The following SWI5 variants were observed in gnomAD, a reference collection of about 807,000 sequenced individuals.
SWI5 encodes DNA repair protein SWI5 homolog.
Under a neutral mutation model 17.0 loss-of-function variants are expected in SWI5, and 12 were observed. The ratio of observed to expected loss-of-function variants is 0.71; its 90% CI spans 0.45 to 1.14. The LOEUF is 1.14. Among genes scored for constraint, SWI5 ranks in the 50% most tolerant of loss-of-function variants. The pLI is 0.00. For missense variants in SWI5, 158 were observed against 162.2 expected, an observed-to-expected ratio of 0.97 and a Z score of 0.14; for synonymous variants, 61 against 64.0, an observed-to-expected ratio of 0.95 and a Z score of 0.22.
chr9:128,275,857 G>A (rs1479160595), upstream of SWI5: 4 of 1,130,390 alleles, frequency 3.5e-6, no homozygotes, highest in Non-Finnish European at 5.2e-6. Context: ...GTGGGGCTGG[G>A]GCTGGGTCGG....
intron 2 of SWI5, among the ~76,000 whole-genome samples, chr9:128,279,898 G>A (rs1431800458): frequency 1.3e-5 from 2 of 152,170 alleles, no homozygotes; most frequent in Non-Finnish European, 2.9e-5. Context: ...TTATGCAGGT[G>A]TGACAGAGGG....
rs373002029 is a variant in SWI5 at position 128,283,785 on chromosome 9, A to C, written c.112-725A>C. The stretch of plus-strand genomic sequence containing the variant: ...TGCATCCACATTCCAGCCAGCGGGA[A>C]GGGAGACGGCCAGAGAAAGGCATGC... On this transcript the variant is annotated intron_variant, in intron 2 of 4. Transcript: ENST00000418976. Among the ~76,000 whole-genome samples, 5 of 152,320 alleles carry C rather than the reference A, an allele frequency of 3.3e-5. No homozygotes were observed. In the East Asian group the frequency reaches 7.7e-4, roughly 24 times the overall value.
chr9:128,284,426 G>A, intron 2 of SWI5, 84 bp from the exon 3 acceptor site: 1 of 1,519,246 alleles, frequency 6.6e-7, no homozygotes, highest in South Asian at 1.3e-5. Flanking sequence ...GCAAGCAGAA[G>A]CAGGGAGTGA....
chr9:128,283,360 G>GGTGGTGT (rs1205881381), intron 2 of SWI5, among the ~76,000 whole-genome samples: 1 of 152,208 alleles, frequency 6.6e-6, no homozygotes, highest in African/African-American at 2.4e-5. Context: ...AGCTGGGCAT[G>GGTGGTGT]GTGGTGTGCA....
intron 2 of SWI5, 24 bp downstream of exon 2, chr9:128,276,779 C>A (rs1204340747): frequency 6.3e-7 from 1 of 1,593,556 alleles, no homozygotes; most frequent in Non-Finnish European, 8.6e-7. Flanking sequence ...CCCCCACACC[C>A]CCTTTCCCAT....
rs79148503 is a variant in SWI5, at chr9:128,285,841, T to G, written c.234-98T>G. On this transcript the variant is annotated intron_variant, in intron 3 of 4. Transcript: ENST00000418976. This position sits in a 1 kb window ranked among gnomAD's most constrained non-coding sequence, Gnocchi z 4.8. The stretch of plus-strand genomic sequence containing the variant: ...CATATCCCTAGTACCTATCACCGAG[T>G]AGGCCATTACAGATGCCTTATTACT... 1.3e-6 allele frequency: 1 copy of G among 776,152 alleles called. No individual in the cohort carries two copies. The highest frequency in any genetic ancestry group is 2.3e-6 in the Non-Finnish European group (1 of 443,818). The allele number at this position is 776,152 out of a possible 1,614,324, so 48.1% of individuals were successfully genotyped here.
intron 2 of SWI5, among the ~76,000 whole-genome samples, chr9:128,284,251 T>C (rs141372999): frequency 1.1e-4 from 15 of 142,208 alleles, no homozygotes; most frequent in African/African-American, 4.0e-4. Flanking sequence ...ATCAGGTTAC[T>C]GCACTCCAGT....
intron 2 of SWI5, among the ~76,000 whole-genome samples, chr9:128,280,888 C>T (rs2131418362): frequency 6.6e-6 from 1 of 152,262 alleles, no homozygotes; most frequent in Admixed American, 6.5e-5. Flanking sequence ...TTTCATTCCC[C>T]CGAACACATG....
At chr9:128,276,869 C>A in intron 2 of SWI5, 114 bp downstream of exon 2, 1 of 1,121,364 alleles carries the variant, frequency 8.9e-7, no homozygotes, top group Non-Finnish European at 1.3e-6. Flanking sequence ...TCTTCCATAT[C>A]TTCTCCCAGT....
chr9:128,283,005 CCT>C (rs1224397566), intron 2 of SWI5, among the ~76,000 whole-genome samples: 2 of 152,138 alleles, frequency 1.3e-5, no homozygotes, highest in East Asian at 3.9e-4. Flanking sequence ...TGGCAAAAAC[CCT>C]GTCTCTACTA....
Position 128,285,531 on chromosome 9 carries a change from C to A in SWI5, c.234-408C>A, listed in dbSNP as rs1288258357. 6.6e-6 allele frequency among the ~76,000 whole-genome samples: 1 copy of A among 151,484 alleles called. No homozygotes were observed. Among genetic ancestry groups the A allele is most frequent in the African/African-American group, 2.4e-5 (1 of 41,216 alleles). Reference sequence around the variant, plus strand: ...TGGAGTTTTCAGTGTGTAGGGAAAGCTGGCTCTTGAACGCCTCCTGGAGTT... The same window carrying A: ...TGGAGTTTTCAGTGTGTAGGGAAAGATGGCTCTTGAACGCCTCCTGGAGTT... On this transcript the variant is annotated intron_variant, in intron 3 of 4. Transcript: ENST00000418976. This position sits in a 1 kb window ranked among gnomAD's most constrained non-coding sequence, Gnocchi z 4.8.
exon 5 of SWI5, chr9:128,288,677 A>C: frequency 1.2e-6 from 2 of 1,614,160 alleles, no homozygotes; most frequent in Non-Finnish European, 1.7e-6. Context: ...TCACCACCAA[A>C]GAGTTGTATC....
chr9:128,275,968 G>C (rs765183160), upstream of SWI5: 1 of 1,597,022 alleles, frequency 6.3e-7, no homozygotes, highest in Non-Finnish European at 8.5e-7. Flanking sequence ...GGCGGGGTTG[G>C]GGCCACATCA....
In SWI5 at chr9:128,276,776, A is replaced by C. The variant is rs1588500067; in HGVS notation, c.111+21A>C. On this transcript the variant is annotated intron_variant, in intron 2 of 4. Transcript: ENST00000418976. ...CCCCTGTGAGTATTTCTTCCCCCACACCCCCTTTCCCATCCTCGACCTTCC... is the reference window on the plus strand; with the variant it reads ...CCCCTGTGAGTATTTCTTCCCCCACCCCCCCTTTCCCATCCTCGACCTTCC... 12 of 1,576,256 alleles carry C rather than the reference A, an allele frequency of 7.6e-6. No individual in the cohort carries two copies. The East Asian group carries it at 9.2e-5, about 12-fold the overall frequency.
Position 128,282,991 on chromosome 9 carries a change from A to G in SWI5, c.112-1519A>G, listed in dbSNP as rs560245116. Among the ~76,000 whole-genome samples, 3 of 152,294 alleles carry G rather than the reference A, an allele frequency of 2.0e-5. No individual in the cohort carries two copies. The South Asian group carries it at 6.2e-4, about 32-fold the overall frequency. ...TCAGGAGTTTGAGACCAGCCTGGCCAACATGGCAAAAACCCTGTCTCTACT... is the reference window on the plus strand; with the variant it reads ...TCAGGAGTTTGAGACCAGCCTGGCCGACATGGCAAAAACCCTGTCTCTACT... On this transcript the variant is annotated intron_variant, in intron 2 of 4. Coordinates refer to ENST00000418976, the Ensembl canonical transcript of SWI5.
chr9:128,278,691 G>C lies in SWI5; in HGVS notation c.111+1936G>C, dbSNP rs974228366. ...CTGTCCCCATGTTGAGGTGAGGCCT[G>C]TGAGTTCCAGAGAGATGAATATAGC... On this transcript the variant is annotated intron_variant, in intron 2 of 4. Coordinates refer to ENST00000418976, the Ensembl canonical transcript of SWI5. 1.5e-5 allele frequency: 7 copies of C among 471,770 alleles called. No homozygotes were observed. In the Admixed American group the frequency reaches 1.6e-4, roughly 11 times the overall value. The allele number at this position is 471,770 out of a possible 1,614,324, so 29.2% of individuals were successfully genotyped here.
At chr9:128,275,926 G>A, upstream of SWI5, 1 of 1,592,944 alleles carries the variant, frequency 6.3e-7, no homozygotes, top group Non-Finnish European at 8.5e-7. Context: ...TGCTCTGTCG[G>A]GTTTCTTCCG....
rs75363269 is a variant in SWI5, at chr9:128,282,994, A to G, written c.112-1516A>G. ...GGAGTTTGAGACCAGCCTGGCCAAC[A>G]TGGCAAAAACCCTGTCTCTACTAAA... is the stretch of plus-strand genomic sequence containing the variant. On this transcript the variant is annotated intron_variant, in intron 2 of 4. Transcript: ENST00000418976. Among the ~76,000 whole-genome samples the G allele has an allele frequency of 4.3e-4, 65 of 152,298 alleles. 1 individual carries two copies. In the South Asian group the frequency reaches 0.013, roughly 31 times the overall value.
In SWI5 at chr9:128,277,333, T is replaced by G. The variant is rs147818227; in HGVS notation, c.111+578T>G. 8.1e-3 allele frequency among the ~76,000 whole-genome samples: 1,232 copies of G among 151,984 alleles called. 26 individuals are homozygous for G. Among genetic ancestry groups the G allele is most frequent in the African/African-American group, 0.028 (1,180 of 41,456 alleles). ...TTGGGAGGCTGAGGCGGGCAGATCATTTGAGGTCAGGAGTTCAAGACCAGC... is the reference window on the plus strand; with the variant it reads ...TTGGGAGGCTGAGGCGGGCAGATCAGTTGAGGTCAGGAGTTCAAGACCAGC... On this transcript the variant is annotated intron_variant, in intron 2 of 4. Transcript: ENST00000418976.
Sources: allele counts gnomAD v4.1 joint callset (sites outside exome capture counted in the v4.1 genomes callset), GRCh38; gene constraint gnomAD v4.1.1; non-coding constraint Gnocchi (gnomAD v3.1); transcripts MANE v1.5; gene names NCBI Gene and HGNC (gene_info 2026-07-23, HGNC 2026-07-21).